PKHD1: variants seen among roughly 807,000 people sequenced by gnomAD.
PKHD1 encodes fibrocystin.
Under a neutral mutation model 412.0 loss-of-function variants are expected in PKHD1, and 291 were observed. The observed-to-expected ratio is 0.71, with a 90% confidence interval of 0.64 to 0.78. The LOEUF is 0.78. Ranked by LOEUF, PKHD1 falls within the 30% of genes least tolerant of loss-of-function variation. PKHD1 has a pLI of 0.00. For synonymous variants in PKHD1, 1,777 were observed against 1,821.5 expected (o/e 0.98, Z 0.62); for missense variants, 4,825 against 4,950.7 (o/e 0.97, Z 0.76).
intron 52 of PKHD1, among the ~76,000 whole-genome samples, chr6:51,802,134 T>C (rs891698364): frequency 6.6e-6 from 1 of 152,198 alleles, no homozygotes; most frequent in African/African-American, 2.4e-5. Context: ...GCTATGCTAC[T>C]GTTCTCTTCA....
chr6:51,871,526 A>C (rs1189870889), intron 46 of PKHD1, among the ~76,000 whole-genome samples: 2 of 118,036 alleles, frequency 1.7e-5, no homozygotes, highest in East Asian at 2.0e-4. Flanking sequence ...AAGCAAGAGG[A>C]GGCTGTGGCT....
At chr6:51,953,507 G>A (rs1790679112) in intron 36 of PKHD1, among the ~76,000 whole-genome samples, 1 of 151,756 alleles carries the variant, frequency 6.6e-6, no homozygotes, top group Non-Finnish European at 1.5e-5. Flanking sequence ...AACTGCATTG[G>A]AAAGCATTAT....
chr6:51,917,800 A>G (rs958205621), intron 37 of PKHD1, among the ~76,000 whole-genome samples: 3 of 152,190 alleles, frequency 2.0e-5, no homozygotes, highest in African/African-American at 7.2e-5. Flanking sequence ...GACCCATCCA[A>G]AAATGACTCA....
At chr6:51,742,733 C>A (rs915178240) in intron 60 of PKHD1, among the ~76,000 whole-genome samples, 44 of 152,010 alleles carry the variant, frequency 2.9e-4, no homozygotes, top group African/African-American at 1.0e-3. Context: ...AGTTTGTGTT[C>A]TAAAAAGGAT....
chr6:51,746,995 A>G (rs1359222943), intron 58 of PKHD1, 106 bp from the exon 59 acceptor site: 1 of 712,312 alleles, frequency 1.4e-6, no homozygotes, highest in Admixed American at 2.6e-5. Flanking sequence ...ACCCTAAGTT[A>G]GTTAAAGCTA....
In PKHD1 at chr6:51,934,312, C is replaced by T. The variant is rs776465295; in HGVS notation, c.5919G>A (p.Leu1973=). The T allele has an allele frequency of 1.2e-6, 2 of 1,611,150 alleles. No homozygotes were observed. Among genetic ancestry groups the T allele is most frequent in the African/African-American group, 2.7e-5 (2 of 74,838 alleles). The change falls in exon 37 of 67, where the codon CTG becomes CTA. Residue 1973 remains leucine (L), a synonymous_variant. Coordinates refer to ENST00000371117, the MANE Select transcript of PKHD1 (RefSeq NM_138694.4). The stretch of plus-strand genomic sequence containing the variant: ...CGATGGGTCCTGGGGCCATGAAAAT[C>T]AGCTTGCCCCCTAATGGACAAAGGG... ...LNLLHIKGGK[L]IFMAPGPIEL...
Position 52,072,099 on chromosome 6 carries a change from A to G in PKHD1, c.602+16T>C, listed in dbSNP as rs757365443. The stretch of plus-strand genomic sequence containing the variant: ...ACTTACAAGCATGTGCATTGGCAAG[A>G]TAATAAGACACTCACCAGCTTCCCA... On this transcript the variant is annotated intron_variant, in intron 8 of 66. Transcript: ENST00000371117. 6.6e-6 allele frequency: 10 copies of G among 1,513,450 alleles called. No individual in the cohort carries two copies. The highest frequency in any genetic ancestry group is 8.3e-6 in the Non-Finnish European group (9 of 1,088,440). 93.8% of individuals were successfully genotyped at this position (1,513,450 alleles called of 1,614,324 possible).
chr6:51,989,901 G>GAGGAAGGAAGGAAGGAAAGA (rs1796697202), intron 35 of PKHD1, among the ~76,000 whole-genome samples: 1 of 2,746 alleles, frequency 3.6e-4, no homozygotes, highest in Non-Finnish European at 6.4e-4. Flanking sequence ...AGGAAGGAGG[G>GAGGAAGGAAGGAAGGAAAGA]AGGAAGGAAG....
At chr6:51,928,849 C>T (rs927115932) in intron 37 of PKHD1, among the ~76,000 whole-genome samples, 4 of 152,130 alleles carry the variant, frequency 2.6e-5, no homozygotes, top group Admixed American at 6.5e-5. Context: ...AAGACAGTCA[C>T]GTCTAAGGCC....
At chr6:51,655,359 T>G (rs772779103) in intron 61 of PKHD1, among the ~76,000 whole-genome samples, 23 of 152,122 alleles carry the variant, frequency 1.5e-4, no homozygotes, top group Non-Finnish European at 2.8e-4. Flanking sequence ...GCCAAAAGAC[T>G]TGTATAATTG....
chr6:51,947,491 T>A (rs1057093726), intron 36 of PKHD1, among the ~76,000 whole-genome samples: 4 of 152,224 alleles, frequency 2.6e-5, no homozygotes, highest in Non-Finnish European at 5.9e-5. Flanking sequence ...CATGTCTTCA[T>A]TTTTAGCAAA....
intron 43 of PKHD1, among the ~76,000 whole-genome samples, chr6:51,895,680 G>C (rs1051033463): frequency 6.6e-6 from 1 of 152,138 alleles, no homozygotes; most frequent in African/African-American, 2.4e-5. Flanking sequence ...TGGCCGAATA[G>C]GAACAGCTCC....
At chr6:51,891,216 A>G (rs1779064411) in intron 43 of PKHD1, among the ~76,000 whole-genome samples, 1 of 152,110 alleles carries the variant, frequency 6.6e-6, no homozygotes, top group Non-Finnish European at 1.5e-5. Context: ...TAATATTTTT[A>G]TTGACTTTAA....
At chr6:51,982,571 C>T (rs1348539507) in intron 35 of PKHD1, among the ~76,000 whole-genome samples, 4 of 143,282 alleles carry the variant, frequency 2.8e-5, no homozygotes, top group Non-Finnish European at 4.6e-5. Context: ...GGATTAAGGG[C>T]GGTGCAAGAT....
chr6:52,052,718 A>G (rs1807057132), intron 21 of PKHD1, among the ~76,000 whole-genome samples: 1 of 152,186 alleles, frequency 6.6e-6, no homozygotes, highest in Admixed American at 6.5e-5. Context: ...ACCAGTAAGG[A>G]GTACTTTATA....
chr6:51,811,706 T>C (rs1378471265), intron 52 of PKHD1, among the ~76,000 whole-genome samples: 1 of 152,156 alleles, frequency 6.6e-6, no homozygotes, highest in Non-Finnish European at 1.5e-5. Flanking sequence ...CAAAGTGAAT[T>C]CATCCAAAAC....
intron 37 of PKHD1, among the ~76,000 whole-genome samples, chr6:51,931,840 GAGA>G (rs1786647451): frequency 6.6e-6 from 1 of 150,844 alleles, no homozygotes; most frequent in Admixed American, 6.6e-5. Flanking sequence ...AGAGAGGAGG[GAGA>G]AGGAGAATAA....
chr6:51,999,367 T>C (rs531129387), intron 35 of PKHD1, among the ~76,000 whole-genome samples: 2 of 152,306 alleles, frequency 1.3e-5, no homozygotes, highest in East Asian at 3.9e-4. Flanking sequence ...TTGTTTTTGT[T>C]TTTTTTCTGA....
At chr6:52,071,438 C>A (rs1810595592) in intron 8 of PKHD1, among the ~76,000 whole-genome samples, 1 of 151,656 alleles carries the variant, frequency 6.6e-6, no homozygotes, top group African/African-American at 2.4e-5. Context: ...AATGCAGACA[C>A]AAGGAAGACT....
Sources: allele counts gnomAD v4.1 joint callset (sites outside exome capture counted in the v4.1 genomes callset), GRCh38; gene constraint gnomAD v4.1.1; transcripts MANE v1.5; gene names NCBI Gene and HGNC (gene_info 2026-07-23, HGNC 2026-07-21).